FLT1: variants seen among roughly 807,000 people sequenced by gnomAD.
The protein encoded by FLT1 is fms related receptor tyrosine kinase 1, also known as vascular endothelial growth factor receptor 1.
FLT1 carries 49 observed loss-of-function variants against 156.3 expected under a neutral mutation model. The observed-to-expected ratio is 0.31, with a 90% CI of 0.25 to 0.40. The LOEUF (loss-of-function observed/expected upper bound fraction) is 0.40, where lower values mean the gene tolerates loss of function less well. FLT1 is among the 10% of genes least tolerant of loss of function. The pLI is 1.00. For missense variants in FLT1, 1,322 were observed against 1,637.2 expected (o/e 0.81, Z 3.32); for synonymous variants, 594 against 583.8 (o/e 1.02, Z -0.25).
Position 28,404,311 on chromosome 13 carries a change from C to T in FLT1, c.1551+1469G>A, listed in dbSNP as rs73158162. ...CCACTCTGACTAATTTCTACAGTGG[C>T]TTACTTGGCTATAAGGGCATTAGGT... On this transcript the variant is annotated intron_variant, in intron 11 of 29. Transcript: ENST00000282397. Among the ~76,000 whole-genome samples the T allele has an allele frequency of 2.6e-3, 395 of 152,220 alleles. 2 individuals are homozygous for T. The highest frequency in any genetic ancestry group is 3.8e-3 in the Non-Finnish European group (256 of 68,008).
chr13:28,434,118 T>A lies in FLT1; in HGVS notation c.616A>T (p.Thr206Ser), dbSNP rs1473500914. ...NATYKEIGLL[T>S]CEATVNGHLY... Reference sequence around the variant, plus strand: ...TGCCCATTGACTGTTGCTTCACAGGTCAGAAGCCCTATTTCTTTGTACGTT... The same window carrying A: ...TGCCCATTGACTGTTGCTTCACAGGACAGAAGCCCTATTTCTTTGTACGTT... Residue 206 changes from threonine (T) to serine (S), a missense_variant, in exon 5 of 30, where the codon ACC (threonine) becomes TCC (serine). Thr to Ser is a moderately conservative substitution (Grantham distance 58). Around this residue, in one of 3 missense-constraint regions of FLT1, gnomAD observed 991 missense variants for 1,254.8 expected, o/e 0.79. Coordinates refer to ENST00000282397, the MANE Select transcript of FLT1 (RefSeq NM_002019.4). 1 of 1,614,188 alleles carries A rather than the reference T, an allele frequency of 6.2e-7. No homozygotes were observed. Among genetic ancestry groups the A allele is most frequent in the Non-Finnish European group, 8.5e-7 (1 of 1,180,022 alleles).
intron 3 of FLT1, among the ~76,000 whole-genome samples, chr13:28,455,503 A>G (rs868150480): frequency 2.6e-5 from 4 of 152,226 alleles, no homozygotes; most frequent in Non-Finnish European, 2.9e-5. Context: ...AATGGATCAT[A>G]GAGACCTAAA....
intron 11 of FLT1, among the ~76,000 whole-genome samples, chr13:28,400,382 T>C (rs1875358937): frequency 6.6e-6 from 1 of 152,214 alleles, no homozygotes; most frequent in African/African-American, 2.4e-5. Flanking sequence ...AAAAATAAGG[T>C]GAAACATATC....
intron 20 of FLT1, among the ~76,000 whole-genome samples, chr13:28,326,745 C>T (rs1265754169): frequency 1.3e-5 from 2 of 152,098 alleles, no homozygotes; most frequent in Middle Eastern, 3.4e-3. Context: ...AGGCTGGTTT[C>T]GAACTCCTGA....
chr13:28,319,542 A>AG lies in FLT1; in HGVS notation c.3175-9dup, dbSNP rs996014284. ...TTTCAGAGGAAGTCGAGTCTAGAAGAGGGCAAGGGGGCCTTGAGCAGAAGG... is the reference window on the plus strand; with the variant it reads ...TTTCAGAGGAAGTCGAGTCTAGAAGAGGGGCAAGGGGGCCTTGAGCAGAAGG... On this transcript the variant is annotated splice_polypyrimidine_tract_variant and intron_variant, in intron 23 of 29. Transcript: ENST00000282397. The AG allele has an allele frequency of 4.4e-5, 69 of 1,569,018 alleles. No individual in the cohort carries two copies. Among genetic ancestry groups the AG allele is most frequent in the Non-Finnish European group, 5.4e-5 (62 of 1,139,706 alleles).
chr13:28,324,288 T>C (rs115561830), intron 20 of FLT1, among the ~76,000 whole-genome samples: 1,526 of 152,336 alleles, frequency 0.01, 34 homozygotes, highest in African/African-American at 0.035. Flanking sequence ...GTGGTGTCCC[T>C]TGATCCATTT....
chr13:28,451,316 G>C (rs990460635), intron 3 of FLT1, among the ~76,000 whole-genome samples: 2 of 152,246 alleles, frequency 1.3e-5, no homozygotes, highest in Non-Finnish European at 2.9e-5. Flanking sequence ...CCAGCTACTC[G>C]GGAGGCTGAG....
rs1329130370 is a variant in FLT1 at position 28,302,192 on chromosome 13, T to G, written c.*975A>C. The G allele has an allele frequency of 4.3e-6, 1 of 233,144 alleles. No homozygotes were observed. 14.4% of individuals were successfully genotyped at this position (233,144 alleles called of 1,614,324 possible). A position where few individuals can be genotyped will look rare whatever the true frequency, so the allele number is the denominator to read the frequency against. ...CTCAGCTTTCTTTCACAACTAACTG[T>G]GCAAAACAGAATAATACCAAGAAAT... On this transcript the variant is annotated 3_prime_UTR_variant, in exon 30 of 30. Transcript: ENST00000282397.
At chr13:28,406,585 T>C (rs1020901765) in intron 10 of FLT1, among the ~76,000 whole-genome samples, 1 of 151,882 alleles carries the variant, frequency 6.6e-6, no homozygotes, top group Non-Finnish European at 1.5e-5. Context: ...AATTTGCACA[T>C]GTCTTGGGCA....
At chr13:28,329,826 GGTTGCTTC>G in intron 18 of FLT1, 98 bp from the exon 19 acceptor site, 1 of 982,336 alleles carries the variant, frequency 1.0e-6, no homozygotes, top group Non-Finnish European at 1.6e-6. Flanking sequence ...ATGCTCAGCC[GGTTGCTTC>G]ACTAACTTCC....
intron 1 of FLT1, among the ~76,000 whole-genome samples, chr13:28,480,972 G>A (rs1370226319): frequency 6.6e-6 from 1 of 152,196 alleles, no homozygotes; most frequent in Non-Finnish European, 1.5e-5. Flanking sequence ...TGTTCTTAAC[G>A]TGTCCTTCCT....
intron 14 of FLT1, among the ~76,000 whole-genome samples, chr13:28,368,906 C>T (rs773625513): frequency 6.0e-5 from 9 of 151,184 alleles, no homozygotes; most frequent in Non-Finnish European, 7.4e-5. Flanking sequence ...GGTTTCACCA[C>T]GTTGGCCAGG....
intron 24 of FLT1, among the ~76,000 whole-genome samples, chr13:28,318,215 T>C (rs1055273744): frequency 6.6e-6 from 1 of 152,120 alleles, no homozygotes; most frequent in African/African-American, 2.4e-5. Flanking sequence ...ATTCACTTTC[T>C]TGCAACCTTC....
intron 1 of FLT1, among the ~76,000 whole-genome samples, chr13:28,471,389 T>C (rs1326370638): frequency 1.3e-5 from 2 of 152,230 alleles, no homozygotes; most frequent in African/African-American, 2.4e-5. Context: ...AAAATATTTA[T>C]TTCTTGAATG....
intron 11 of FLT1, among the ~76,000 whole-genome samples, chr13:28,403,126 A>G (rs1455438645): frequency 1.3e-5 from 2 of 152,116 alleles, no homozygotes; most frequent in East Asian, 3.9e-4. Context: ...TCCTTGTAAC[A>G]GGAAGTACTA....
At position 28,312,244 on chromosome 13, in the gene FLT1, G is replaced by C. The variant is rs906489712; in HGVS notation, c.3387-146C>G. ...TGACCCTGCTTCATTTTTAGGTTTG[G>C]GTTTATAGCACCAGCACTTAAAAGG... is the stretch of plus-strand genomic sequence containing the variant. On this transcript the variant is annotated intron_variant, in intron 25 of 29. Transcript: ENST00000282397. 6 of 686,088 alleles carry C rather than the reference G, an allele frequency of 8.7e-6. No individual in the cohort carries two copies. The African/African-American group carries it at 1.1e-4, about 12-fold the overall frequency. The allele number at this position is 686,088 out of a possible 1,614,324, so 42.5% of individuals were successfully genotyped here. A position where few individuals can be genotyped will look rare whatever the true frequency, so the allele number is the denominator to read the frequency against.
chr13:28,417,432 A>T (rs1405187764), intron 10 of FLT1, among the ~76,000 whole-genome samples: 1 of 152,006 alleles, frequency 6.6e-6, no homozygotes, highest in East Asian at 1.9e-4. Flanking sequence ...AAACTGCAAC[A>T]TTCACCATCT....
chr13:28,487,564 A>G (rs1480851299), intron 1 of FLT1, among the ~76,000 whole-genome samples: 1 of 152,234 alleles, frequency 6.6e-6, no homozygotes, highest in Non-Finnish European at 1.5e-5. Flanking sequence ...ATAATCTGTG[A>G]AAAGGTAAAA....
At position 28,405,809 on chromosome 13, in the gene FLT1, G is replaced by T. The variant is rs764045713; in HGVS notation, c.1522C>A (p.Arg508Ser). ...TTCTTTCCTTCTATTATTGCCATGC[G>T]CTGAGTGATGCTCTCAATTCTGTTT... ...MGNRIESITQ[R>S]MAIIEGKNKM... is the part of the protein sequence containing the mutation. Residue 508 changes from arginine (R) to serine (S), a missense_variant, in exon 11 of 30, where the codon CGC becomes AGC. Physicochemically the swap from Arg to Ser is moderately radical, Grantham distance 110. Coordinates refer to ENST00000282397, the MANE Select transcript of FLT1 (RefSeq NM_002019.4). 1 of 1,599,474 alleles carries T rather than the reference G, an allele frequency of 6.3e-7. No homozygotes were observed. Among genetic ancestry groups the T allele is most frequent in the Non-Finnish European group, 8.6e-7 (1 of 1,167,542 alleles).
Sources: allele counts gnomAD v4.1 joint callset (sites outside exome capture counted in the v4.1 genomes callset), GRCh38; gene constraint gnomAD v4.1.1; regional missense constraint gnomAD v4.1.1; transcripts MANE v1.5; gene names NCBI Gene and HGNC (gene_info 2026-07-23, HGNC 2026-07-21).